NR3C1: variants seen among roughly 807,000 people sequenced by gnomAD.
NR3C1 encodes the protein nuclear receptor subfamily 3 group C member 1.
In NR3C1, 14 loss-of-function variants were observed where a neutral mutation model predicts 74.0. The observed-to-expected ratio is 0.19, with a 90% CI of 0.12 to 0.30. NR3C1 has a LOEUF of 0.30. NR3C1 is among the 10% of genes least tolerant of loss of function. NR3C1 has a pLI of 1.00. For missense variants in NR3C1, 695 were observed against 909.8 expected (o/e 0.76, Z 3.04); for synonymous variants, 308 against 332.5 (o/e 0.93, Z 0.80).
intron 2 of NR3C1, among the ~76,000 whole-genome samples, chr5:143,344,993 A>G (rs1392666590): frequency 6.6e-6 from 1 of 152,082 alleles, no homozygotes; most frequent in Non-Finnish European, 1.5e-5. Context: ...GTTTTTCTCC[A>G]GATACTTCGC....
In NR3C1 at chr5:143,282,588, G is replaced by A; in HGVS notation, c.2161C>T (p.Leu721Phe). The change falls in exon 8 of 9, where the codon CTC becomes TTC. Residue 721 changes from leucine to phenylalanine, a missense_variant. By Grantham distance (22) the Leu-to-Phe change is conservative. Coordinates refer to ENST00000394464, the MANE Select transcript of NR3C1 (RefSeq NM_000176.3). ...CTTACTTCATGCATAGAATCCAAGA[G>A]TTTTGTCAGTTGATAAAACCGCTGC... ...NWQRFYQLTK[L>F]LDSMHEVVEN... 2 of 1,613,930 alleles carry A rather than the reference G, an allele frequency of 1.2e-6. No individual in the cohort carries two copies. Among genetic ancestry groups the A allele is most frequent in the Non-Finnish European group, 1.7e-6 (2 of 1,179,888 alleles).
At chr5:143,347,850 C>T (rs1386882220) in intron 2 of NR3C1, among the ~76,000 whole-genome samples, 1 of 152,208 alleles carries the variant, frequency 6.6e-6, no homozygotes, top group East Asian at 1.9e-4. Context: ...GTCTAAATTT[C>T]TTCAGTTAGC....
chr5:143,375,552 CA>C (rs1835040510), intron 2 of NR3C1: 1 of 152,218 alleles, frequency 6.6e-6, no homozygotes, highest in African/African-American at 2.4e-5. Context: ...CGTATGTACG[CA>C]TATCACACAC....
chr5:143,388,209 A>G (rs1448449561), intron 2 of NR3C1, among the ~76,000 whole-genome samples: 1 of 152,202 alleles, frequency 6.6e-6, no homozygotes, highest in Non-Finnish European at 1.5e-5. Context: ...AAATTTAGAG[A>G]CTGTCAATTG....
intron 2 of NR3C1, among the ~76,000 whole-genome samples, chr5:143,397,233 A>G (rs1376935651): frequency 2.0e-5 from 3 of 151,824 alleles, no homozygotes; most frequent in Non-Finnish European, 4.4e-5. Flanking sequence ...TCAAATTGCA[A>G]TTTATAACTT....
chr5:143,355,110 A>G (rs1238738668), intron 2 of NR3C1, among the ~76,000 whole-genome samples: 1 of 152,178 alleles, frequency 6.6e-6, no homozygotes, highest in African/African-American at 2.4e-5. Flanking sequence ...ACAAACCTTC[A>G]ATTTGTAAGT....
intron 2 of NR3C1, among the ~76,000 whole-genome samples, chr5:143,346,997 C>T (rs1453884200): frequency 1.3e-5 from 2 of 152,202 alleles, no homozygotes; most frequent in Non-Finnish European, 2.9e-5. Flanking sequence ...GGCTTTAGTA[C>T]ACAGCACTGT....
At chr5:143,421,148 G>A (rs1022984898) in intron 1 of NR3C1, among the ~76,000 whole-genome samples, 7 of 152,056 alleles carry the variant, frequency 4.6e-5, no homozygotes, top group South Asian at 2.1e-4. Context: ...CCACCATCAC[G>A]GGGGATACAA....
chr5:143,297,431 C>T (rs983513516), intron 6 of NR3C1, among the ~76,000 whole-genome samples: 1 of 152,158 alleles, frequency 6.6e-6, no homozygotes, highest in Non-Finnish European at 1.5e-5. Context: ...AAAACAAATA[C>T]TGCCAACATG....
chr5:143,361,545 C>G (rs1046862284), intron 2 of NR3C1, among the ~76,000 whole-genome samples: 1 of 152,200 alleles, frequency 6.6e-6, no homozygotes, highest in Non-Finnish European at 1.5e-5. Context: ...ACTCTCTGAG[C>G]TACCTCTATA....
chr5:143,382,465 A>G (rs1232010098), intron 2 of NR3C1, among the ~76,000 whole-genome samples: 4 of 152,238 alleles, frequency 2.6e-5, no homozygotes, highest in Admixed American at 6.5e-5. Flanking sequence ...TTTGGCATTA[A>G]GGAGTTGTCT....
At chr5:143,328,464 T>C (rs1825150983) in intron 2 of NR3C1, among the ~76,000 whole-genome samples, 1 of 152,246 alleles carries the variant, frequency 6.6e-6, no homozygotes. Context: ...TTATTACTTA[T>C]TACTCCTTGT....
intron 7 of NR3C1, among the ~76,000 whole-genome samples, chr5:143,285,372 TA>T (rs1379211598): frequency 2.0e-5 from 3 of 152,242 alleles, no homozygotes; most frequent in African/African-American, 7.2e-5. Flanking sequence ...ATGTCAGAGA[TA>T]TAGCAGACAA....
upstream of NR3C1, among the ~76,000 whole-genome samples, chr5:143,408,099 T>C (rs1264002563): frequency 1.3e-5 from 2 of 152,250 alleles, no homozygotes; most frequent in East Asian, 3.8e-4. Flanking sequence ...AATCTTTTGA[T>C]GAAGGTCTAA....
chr5:143,314,311 A>G, intron 2 of NR3C1, 143 bp from the exon 3 acceptor site: 1 of 779,236 alleles, frequency 1.3e-6, no homozygotes, highest in South Asian at 1.6e-5. Flanking sequence ...TATCCTAGCT[A>G]AATATATTCA....
chr5:143,288,398 C>T (rs769884989), intron 7 of NR3C1, among the ~76,000 whole-genome samples: 2 of 152,020 alleles, frequency 1.3e-5, no homozygotes, highest in African/African-American at 4.8e-5. Context: ...GAATTACAGG[C>T]GTGAGCCATA....
At chr5:143,368,213 C>T (rs1238961003) in intron 2 of NR3C1, among the ~76,000 whole-genome samples, 1 of 152,138 alleles carries the variant, frequency 6.6e-6, no homozygotes, top group Non-Finnish European at 1.5e-5. Flanking sequence ...TAGAGCCCTA[C>T]TTCACACCAT....
intron 1 of NR3C1, chr5:143,402,714 C>G (rs1840544566): frequency 1.0e-6 from 1 of 985,200 alleles, no homozygotes; most frequent in African/African-American, 1.7e-5. Flanking sequence ...ACGCGCCCCG[C>G]ACGCCCTCCT....
chr5:143,395,066 G>A (rs977740374), intron 2 of NR3C1, among the ~76,000 whole-genome samples: 2 of 151,908 alleles, frequency 1.3e-5, no homozygotes, highest in African/African-American at 4.8e-5. Flanking sequence ...ATTTTGAACT[G>A]CAATAAAATT....
Sources: allele counts gnomAD v4.1 joint callset (sites outside exome capture counted in the v4.1 genomes callset), GRCh38; gene constraint gnomAD v4.1.1; transcripts MANE v1.5; gene names NCBI Gene and HGNC (gene_info 2026-07-23, HGNC 2026-07-21).